PLA2G15: variants seen among roughly 807,000 people sequenced by gnomAD.
The protein encoded by PLA2G15 is phospholipase A2 group XV.
PLA2G15 carries 20 observed loss-of-function variants against 40.9 expected under a neutral mutation model. The ratio of observed to expected loss-of-function variants is 0.49; its 90% CI spans 0.34 to 0.71. The LOEUF (loss-of-function observed/expected upper bound fraction) is 0.71. Among genes scored for constraint, PLA2G15 ranks in the 30% least tolerant of loss-of-function variants. PLA2G15 has a pLI of 0.01. For missense variants in PLA2G15, 471 were observed against 541.9 expected, an observed-to-expected ratio of 0.87 and a Z score of 1.30; for synonymous variants, 223 against 228.2, an observed-to-expected ratio of 0.98 and a Z score of 0.21.
Position 68,255,320 on chromosome 16 carries a change from TG to T in PLA2G15, c.446del (p.Gly149AlafsTer32). On this transcript the variant is annotated frameshift_variant, in exon 4 of 6. Transcript: ENST00000219345. LOFTEE classifies it high-confidence loss of function. This position sits in a 1 kb window ranked among gnomAD's most constrained non-coding sequence, Gnocchi z 5.9. ...FHTMVESLVG[W>X]GYTRGEDVRG... ...CACCATGGTGGAGAGCCTTGTGGGC[TG>T]GGGCTACACACGGGGTGAGGATGTC... 1 of 1,614,020 alleles carries T rather than the reference TG, an allele frequency of 6.2e-7. No homozygotes were observed. The highest frequency in any genetic ancestry group is 1.1e-5 in the South Asian group (1 of 91,074).
rs201144125 is a variant in PLA2G15 at position 68,259,171 on chromosome 16, C to T, written c.753C>T (p.Ile251=). The change falls in exon 6 of 6, where the codon ATC becomes ATT. Residue 251 remains isoleucine (I), a synonymous_variant. Coordinates refer to ENST00000219345, the MANE Select transcript of PLA2G15 (RefSeq NM_012320.4). The surrounding 1 kb of genome is among the most constrained non-coding windows in gnomAD (Gnocchi z 6.5). ...GAGACAACAACCGGATCCCAGTCAT[C>T]GGGCCCCTGAAGATCCGGGAGCAGC... ...ASGDNNRIPV[I]GPLKIREQQR... 31 of 1,613,238 alleles carry T rather than the reference C, an allele frequency of 1.9e-5. No homozygotes were observed. The highest frequency in any genetic ancestry group is 1.7e-4 in the Admixed American group (10 of 59,996).
At position 68,255,667 on chromosome 16, in the gene PLA2G15, T is replaced by C; in HGVS notation, c.503-99T>C. The C allele has an allele frequency of 1.0e-6, 1 of 978,516 alleles. No individual in the cohort carries two copies. Among genetic ancestry groups the C allele is most frequent in the Non-Finnish European group, 1.6e-6 (1 of 618,468 alleles). 60.6% of individuals were successfully genotyped at this position (978,516 alleles called of 1,614,324 possible). A position where few individuals can be genotyped will look rare whatever the true frequency, so the allele number is the denominator to read the frequency against. ...CCGCTCTGTTTGAATGTGAGCACCC[T>C]CCCCTCCCCCTCTCGTCTTGTGTCT... On this transcript the variant is annotated intron_variant, in intron 4 of 5. Transcript: ENST00000219345. The surrounding 1 kb of genome is among the most constrained non-coding windows in gnomAD (Gnocchi z 5.9).
At chr16:68,245,869 G>A (rs1254729428) in intron 1 of PLA2G15, among the ~76,000 whole-genome samples, 2 of 152,184 alleles carry the variant, frequency 1.3e-5, no homozygotes, top group Non-Finnish European at 2.9e-5. Context: ...GGAAAGACAG[G>A]TGCTTCAGCC....
chr16:68,248,670 A>G, intron 1 of PLA2G15: 1 of 968,532 alleles, frequency 1.0e-6, no homozygotes, highest in South Asian at 3.5e-5. Context: ...TACAGGCATG[A>G]GCCCCTGCGC....
At position 68,255,411 on chromosome 16, in the gene PLA2G15, G is replaced by A. The variant is rs199602827; in HGVS notation, c.502+31G>A. On this transcript the variant is annotated intron_variant, in intron 4 of 5. Coordinates refer to ENST00000219345, the MANE Select transcript of PLA2G15 (RefSeq NM_012320.4). This position sits in a 1 kb window ranked among gnomAD's most constrained non-coding sequence, Gnocchi z 5.9. ...CAGGCACTCTCATTCCCTCCCTGAC[G>A]TCTCGGGAGGTAGGGGTGAGGTGAT... 3.8e-5 allele frequency: 55 copies of A among 1,453,954 alleles called. No homozygotes were observed. The highest frequency in any genetic ancestry group is 1.8e-4 in the Middle Eastern group (1 of 5,482). The allele number at this position is 1,453,954 out of a possible 1,614,324, so 90.1% of individuals were successfully genotyped here.
At chr16:68,249,791 G>A (rs968049607) in intron 2 of PLA2G15, among the ~76,000 whole-genome samples, 1 of 152,146 alleles carries the variant, frequency 6.6e-6, no homozygotes, top group South Asian at 2.1e-4. Context: ...CGATTCTTGT[G>A]CCTCAGCCTC....
In PLA2G15 at chr16:68,260,817, C is replaced by T. The variant is rs1305287995; in HGVS notation, c.*1160C>T. 1 of 152,302 alleles carries T rather than the reference C, an allele frequency of 6.6e-6. No homozygotes were observed. The highest frequency in any genetic ancestry group is 1.5e-5 in the Non-Finnish European group (1 of 68,094). 9.4% of individuals were successfully genotyped at this position (152,302 alleles called of 1,614,324 possible). A position where few individuals can be genotyped will look rare whatever the true frequency, so the allele number is the denominator to read the frequency against. On this transcript the variant is annotated 3_prime_UTR_variant, in exon 6 of 6. Coordinates refer to ENST00000219345, the MANE Select transcript of PLA2G15 (RefSeq NM_012320.4). ...TGGAGAGTCAGGGCTGCCTTCATGG[C>T]AGTAGGCTCTAAGTGGGTGACTGGC...
At position 68,252,470 on chromosome 16, in the gene PLA2G15, C is replaced by G. The variant is rs540381281; in HGVS notation, c.285-2449C>G. On this transcript the variant is annotated intron_variant, in intron 2 of 5. Transcript: ENST00000219345. ...CTTTTCTCCTGGTATAAGGTGTCTC[C>G]CCTGGCCCATCACCCTGTTCCCATC... The G allele has an allele frequency of 4.7e-5, 21 of 449,266 alleles. No homozygotes were observed. In the Middle Eastern group the frequency reaches 9.9e-4, roughly 21 times the overall value. The allele number at this position is 449,266 out of a possible 1,614,324, so 27.8% of individuals were successfully genotyped here.
At chr16:68,256,530 T>C (rs1408079327) in intron 5 of PLA2G15, 1 of 152,238 alleles carries the variant, frequency 6.6e-6, no homozygotes, top group African/African-American at 2.4e-5. Flanking sequence ...TTTTTATTTT[T>C]TGAGACAGAG....
At chr16:68,247,352 C>T (rs1344180548) in intron 1 of PLA2G15, among the ~76,000 whole-genome samples, 2 of 152,198 alleles carry the variant, frequency 1.3e-5, no homozygotes, top group African/African-American at 4.8e-5. Flanking sequence ...CTCTTGCAGC[C>T]TCAGTCTCCC....
In PLA2G15 at chr16:68,259,629, A is replaced by G. The variant is rs1280015586; in HGVS notation, c.1211A>G (p.Tyr404Cys). 2 of 1,612,736 alleles carry G rather than the reference A, an allele frequency of 1.2e-6. No homozygotes were observed. The highest frequency in any genetic ancestry group is 1.7e-6 in the Non-Finnish European group (2 of 1,179,598). Residue 404 changes from tyrosine (Y) to cysteine (C), a missense_variant, in exon 6 of 6, where the codon TAT (tyrosine) becomes TGT (cysteine). Physicochemically the swap from Tyr to Cys is radical, Grantham distance 194. Coordinates refer to ENST00000219345, the MANE Select transcript of PLA2G15 (RefSeq NM_012320.4). This position sits in a 1 kb window ranked among gnomAD's most constrained non-coding sequence, Gnocchi z 6.5. ...CTGGCCAACGCCACCACCCTGGCCT[A>G]TCTGAAACGTGTGCTCCTTGGGCCC... ...EMLANATTLA[Y>C]LKRVLLGP
At chr16:68,253,359 C>T (rs2042370175) in intron 2 of PLA2G15, 1 of 416,366 alleles carries the variant, frequency 2.4e-6, no homozygotes, top group Admixed American at 2.5e-5. Flanking sequence ...TGGTGCCTTT[C>T]TAGGGTTTGT....
chr16:68,254,884 C>T (rs1278440962), intron 2 of PLA2G15, 35 bp from the exon 3 acceptor site: 1 of 1,335,768 alleles, frequency 7.5e-7, no homozygotes, highest in African/African-American at 1.4e-5. Flanking sequence ...TCAGTGTCCC[C>T]TCCGGGTCAC....
At position 68,259,050 on chromosome 16, in the gene PLA2G15, C is replaced by T. The variant is rs1596952076; in HGVS notation, c.728-96C>T. 1 of 967,686 alleles carries T rather than the reference C, an allele frequency of 1.0e-6. No individual in the cohort carries two copies. The highest frequency in any genetic ancestry group is 1.6e-6 in the Non-Finnish European group (1 of 639,192). 59.9% of individuals were successfully genotyped at this position (967,686 alleles called of 1,614,324 possible). On this transcript the variant is annotated intron_variant, in intron 5 of 5. Coordinates refer to ENST00000219345, the MANE Select transcript of PLA2G15 (RefSeq NM_012320.4). This position sits in a 1 kb window ranked among gnomAD's most constrained non-coding sequence, Gnocchi z 6.5. ...TAGAGATGCGGGACTGTGGACTGGG[C>T]CCCTGGCTGGGGTCTGGCAGGGGCC...
In PLA2G15 at chr16:68,256,026, G is replaced by A. The variant is rs375559596; in HGVS notation, c.727+36G>A. ...ACCTGGCCCAGCGTGGGGGGCTGTT[G>A]CCAGGAATTCTGCCCTCTCTTCCCT... On this transcript the variant is annotated intron_variant, in intron 5 of 5. Transcript: ENST00000219345. 10 of 1,408,142 alleles carry A rather than the reference G, an allele frequency of 7.1e-6. No homozygotes were observed. The African/African-American group carries it at 1.4e-4, about 20-fold the overall frequency. 87.2% of individuals were successfully genotyped at this position (1,408,142 alleles called of 1,614,324 possible). A position where few individuals can be genotyped will look rare whatever the true frequency, so the allele number is the denominator to read the frequency against.
At chr16:68,257,255 C>T (rs2042409167) in intron 5 of PLA2G15, among the ~76,000 whole-genome samples, 1 of 152,070 alleles carries the variant, frequency 6.6e-6, no homozygotes, top group African/African-American at 2.4e-5. Flanking sequence ...GAACTCCTGA[C>T]CTCAAATGAT....
In PLA2G15 at chr16:68,259,926, C is replaced by CA; in HGVS notation, c.*270dup. On this transcript the variant is annotated 3_prime_UTR_variant, in exon 6 of 6. Coordinates refer to ENST00000219345, the MANE Select transcript of PLA2G15 (RefSeq NM_012320.4). The surrounding 1 kb of genome is among the most constrained non-coding windows in gnomAD (Gnocchi z 6.5). Reference sequence around the variant, plus strand: ...TGCTGTGACCTTAGGACTGGCTCCACAGGGTGGACTGGCTGGGCCCTGGTC... The same window carrying CA: ...TGCTGTGACCTTAGGACTGGCTCCACAAGGGTGGACTGGCTGGGCCCTGGTC... The CA allele has an allele frequency of 5.8e-6, 3 of 514,470 alleles. No individual in the cohort carries two copies. Among genetic ancestry groups the CA allele is most frequent in the African/African-American group, 1.9e-5 (1 of 52,124 alleles). 31.9% of individuals were successfully genotyped at this position (514,470 alleles called of 1,614,324 possible). A position where few individuals can be genotyped will look rare whatever the true frequency, so the allele number is the denominator to read the frequency against.
chr16:68,259,205 G>C lies in PLA2G15; in HGVS notation c.787G>C (p.Ala263Pro). ...PLKIREQQRSAVSTSWLLPYN... is the reference protein window; with the variant it reads ...PLKIREQQRSPVSTSWLLPYN... ...GAAGATCCGGGAGCAGCAGCGGTCAGCTGTCTCCACCAGCTGGCTGCTGCC... is the reference window on the plus strand; with the variant it reads ...GAAGATCCGGGAGCAGCAGCGGTCACCTGTCTCCACCAGCTGGCTGCTGCC... The change falls in exon 6 of 6, where the codon GCT becomes CCT. Residue 263 changes from alanine to proline, a missense_variant. By Grantham distance (27) the Ala-to-Pro change is conservative (BLOSUM62 -1). Coordinates refer to ENST00000219345, the MANE Select transcript of PLA2G15 (RefSeq NM_012320.4). The surrounding 1 kb of genome is among the most constrained non-coding windows in gnomAD (Gnocchi z 6.5). The C allele has an allele frequency of 1.2e-6, 2 of 1,613,776 alleles. No individual in the cohort carries two copies. Among genetic ancestry groups the C allele is most frequent in the Non-Finnish European group, 1.7e-6 (2 of 1,179,946 alleles).
In PLA2G15 at chr16:68,259,310, T is replaced by A. The variant is rs2042425127; in HGVS notation, c.892T>A (p.Phe298Ile). 6.2e-7 allele frequency: 1 copy of A among 1,613,920 alleles called. No individual in the cohort carries two copies. The highest frequency in any genetic ancestry group is 8.5e-7 in the Non-Finnish European group (1 of 1,180,014). Residue 298 changes from phenylalanine (F) to isoleucine (I), a missense_variant, in exon 6 of 6, where the codon TTC becomes ATC. Physicochemically the swap from Phe to Ile is conservative, Grantham distance 21. Transcript: ENST00000219345. The surrounding 1 kb of genome is among the most constrained non-coding windows in gnomAD (Gnocchi z 6.5). ...CTACACACTGCGGGACTACCGCAAG[T>A]TCTTCCAGGACATCGGCTTTGAAGA... ...INYTLRDYRK[F>I]FQDIGFEDGW...
Sources: allele counts gnomAD v4.1 joint callset (sites outside exome capture counted in the v4.1 genomes callset), GRCh38; gene constraint gnomAD v4.1.1; non-coding constraint Gnocchi (gnomAD v3.1); transcripts MANE v1.5; gene names NCBI Gene and HGNC (gene_info 2026-07-23, HGNC 2026-07-21).